The following DEGS1 variants were observed in gnomAD, a reference collection of about 807,000 sequenced individuals.
The protein encoded by DEGS1 is sphingolipid delta(4)-desaturase DES1.
In DEGS1, 17 loss-of-function variants were observed where a neutral mutation model predicts 24.1. The observed-to-expected ratio is 0.70, with a 90% CI of 0.48 to 1.06. The LOEUF is 1.06. DEGS1 is among the 50% of genes least tolerant of loss of function. The pLI, the probability that DEGS1 is intolerant of heterozygous loss-of-function variation, is 0.00. For synonymous variants in DEGS1, 134 were observed against 140.0 expected, an observed-to-expected ratio of 0.96 and a Z score of 0.30; for missense variants, 366 against 408.9, an observed-to-expected ratio of 0.90 and a Z score of 0.91.
intron 2 of DEGS1, 75 bp downstream of exon 2, chr1:224,190,394 G>A (rs1451786786): frequency 7.4e-6 from 10 of 1,343,058 alleles, no homozygotes; most frequent in South Asian, 1.9e-5. Context: ...GTCTCACTCA[G>A]TCGCCCAGGC....
Position 224,189,714 on chromosome 1 carries a change from T to A in DEGS1, c.220T>A (p.Tyr74Asn). Residue 74 changes from tyrosine to asparagine, a missense_variant, in exon 2 of 3, where the codon TAT becomes AAT. Physicochemically the swap from Tyr to Asn is moderately radical, Grantham distance 143 (BLOSUM62 -2). Transcript: ENST00000323699. ...CTGGAAATGGGTCATATTTGGGGCC[T>A]ATGCGTTTGGCAGTTGCATTAACCA... Reference protein sequence around the residue: ...LDWKWVIFGAYAFGSCINHSM... With the variant: ...LDWKWVIFGANAFGSCINHSM... 1.2e-6 allele frequency: 2 copies of A among 1,614,222 alleles called. No homozygotes were observed. The highest frequency in any genetic ancestry group is 1.7e-6 in the Non-Finnish European group (2 of 1,180,036).
At chr1:224,192,192 T>TGC (rs1658554914) in intron 2 of DEGS1, 140 bp from the exon 3 acceptor site, 7 of 155,132 alleles carry the variant, frequency 4.5e-5, no homozygotes, top group South Asian at 3.9e-4. Flanking sequence ...CTGCTGCTGC[T>TGC]TTTTTTTTTT....
chr1:224,186,447 C>T (rs1030761089), intron 1 of DEGS1, among the ~76,000 whole-genome samples: 2 of 152,188 alleles, frequency 1.3e-5, no homozygotes, highest in African/African-American at 4.8e-5. Context: ...GGCATGGTGG[C>T]TCACGCCTGT....
chr1:224,188,006 G>A (rs1658439193), intron 1 of DEGS1, among the ~76,000 whole-genome samples: 1 of 151,284 alleles, frequency 6.6e-6, no homozygotes, highest in Non-Finnish European at 1.5e-5. Context: ...TGTTGCCCAG[G>A]CTGATCTTGA....
rs1410830940 is a variant in DEGS1, at chr1:224,183,309, A to G, written c.-28A>G. The stretch of plus-strand genomic sequence containing the variant: ...CAGCCGGCTGGGAGCGAGAGCCGAC[A>G]GCTAGTCTGCAAGCCACCGCTGTCG... On this transcript the variant is annotated 5_prime_UTR_variant, in exon 1 of 3. Coordinates refer to ENST00000323699, the MANE Select transcript of DEGS1 (RefSeq NM_003676.4). 1.4e-6 allele frequency: 2 copies of G among 1,476,668 alleles called. No homozygotes were observed. Among genetic ancestry groups the G allele is most frequent in the Non-Finnish European group, 1.8e-6 (2 of 1,111,524 alleles). The allele number at this position is 1,476,668 out of a possible 1,614,324, so 91.5% of individuals were successfully genotyped here. A position where few individuals can be genotyped will look rare whatever the true frequency, so the allele number is the denominator to read the frequency against.
At chr1:224,191,401 AAG>A (rs1286605510) in intron 2 of DEGS1, among the ~76,000 whole-genome samples, 1 of 149,068 alleles carries the variant, frequency 6.7e-6, no homozygotes, top group South Asian at 2.1e-4. Flanking sequence ...AAAAAAAAAA[AAG>A]AGAGAGATGG....
rs1658486719 is a variant in DEGS1 at position 224,189,792 on chromosome 1, T to C, written c.298T>C (p.Cys100Arg). The C allele has an allele frequency of 6.2e-7, 1 of 1,614,122 alleles. No individual in the cohort carries two copies. Among genetic ancestry groups the C allele is most frequent in the African/African-American group, 1.3e-5 (1 of 74,948 alleles). ...EIAHNAAFGN[C>R]KAMWNRWFGM... ...TGCCCACAATGCTGCCTTTGGCAAC[T>C]GCAAAGCAATGTGGAATCGCTGGTT... Residue 100 changes from cysteine (C) to arginine (R), a missense_variant, in exon 2 of 3, where the codon TGC becomes CGC. Cys to Arg is a radical substitution (Grantham distance 180). Transcript: ENST00000323699.
At chr1:224,184,970 TACACACACACACACACAC>T (rs58790626) in intron 1 of DEGS1, among the ~76,000 whole-genome samples, 28 of 148,692 alleles carry the variant, frequency 1.9e-4, no homozygotes, top group African/African-American at 6.4e-4. Flanking sequence ...GCCCCCCGTT[TACACACACACACACACAC>T]ACACACACAC....
chr1:224,190,461 G>A lies in DEGS1; in HGVS notation c.825+142G>A, dbSNP rs537294479. On this transcript the variant is annotated intron_variant, in intron 2 of 2. Transcript: ENST00000323699. The stretch of plus-strand genomic sequence containing the variant: ...TAACCTCCACCTCCCGGGTTCAAAC[G>A]ATTCTCATGCCTCAGTCTCCCAAGT... 2.1e-4 allele frequency: 133 copies of A among 637,648 alleles called. No homozygotes were observed. In the African/African-American group the frequency reaches 2.3e-3, roughly 11 times the overall value. 39.5% of individuals were successfully genotyped at this position (637,648 alleles called of 1,614,324 possible).
intron 1 of DEGS1, among the ~76,000 whole-genome samples, chr1:224,186,687 T>C (rs1572041142): frequency 7.9e-6 from 1 of 126,684 alleles, no homozygotes; most frequent in South Asian, 2.4e-4. Context: ...CACTCCAGCC[T>C]GGGCGACAGA....
Position 224,183,241 on chromosome 1 carries a change from C to A in DEGS1, c.-96C>A. On this transcript the variant is annotated 5_prime_UTR_variant, in exon 1 of 3. Transcript: ENST00000323699. ...CGCGCTCCGCCACAGCCGGCCGACA[C>A]CACACCAGCCGGGGAGCCGCCGCCG... The A allele has an allele frequency of 8.6e-7, 1 of 1,168,822 alleles. No homozygotes were observed. The highest frequency in any genetic ancestry group is 1.6e-5 in the African/African-American group (1 of 62,072). The allele number at this position is 1,168,822 out of a possible 1,614,324, so 72.4% of individuals were successfully genotyped here.
chr1:224,187,492 G>A lies in DEGS1; in HGVS notation c.83-2085G>A, dbSNP rs527917921. The stretch of plus-strand genomic sequence containing the variant: ...TCCCGCTTCAGCATCCTAAGTAGCT[G>A]GGACTACAGGCTTGTGCCACCTCAC... On this transcript the variant is annotated intron_variant, in intron 1 of 2. Transcript: ENST00000323699. 2.6e-5 allele frequency among the ~76,000 whole-genome samples: 4 copies of A among 152,150 alleles called. No homozygotes were observed. In the South Asian group the frequency reaches 6.2e-4, roughly 24 times the overall value.
chr1:224,192,024 T>C lies in DEGS1; in HGVS notation c.826-308T>C, dbSNP rs139568764. ...CCATGCAGTACATTCTTTAATAATA[T>C]CAAGTTAATCTAATTGTATGTATTT... is the stretch of plus-strand genomic sequence containing the variant. On this transcript the variant is annotated intron_variant, in intron 2 of 2. Transcript: ENST00000323699. Among the ~76,000 whole-genome samples the C allele has an allele frequency of 4.7e-3, 718 of 152,284 alleles. 8 individuals are homozygous for C. The highest frequency in any genetic ancestry group is 0.014 in the African/African-American group (596 of 41,554).
intron 1 of DEGS1, among the ~76,000 whole-genome samples, chr1:224,184,830 T>C (rs1176449542): frequency 6.6e-6 from 1 of 152,030 alleles, no homozygotes; most frequent in Non-Finnish European, 1.5e-5. Context: ...CACGAGCTTT[T>C]TAACCTCTGT....
At chr1:224,183,515 A>G in intron 1 of DEGS1, 97 bp downstream of exon 1, 1 of 972,886 alleles carries the variant, frequency 1.0e-6, no homozygotes, top group Non-Finnish European at 1.3e-6. Context: ...TGGGCGCCGG[A>G]GGCCCGTTAG....
intron 1 of DEGS1, among the ~76,000 whole-genome samples, chr1:224,187,369 C>T (rs917704527): frequency 2.0e-5 from 3 of 151,676 alleles, no homozygotes; most frequent in African/African-American, 4.8e-5. Context: ...TAACATGATA[C>T]AGCTTTTTAA....
chr1:224,190,790 C>T (rs561209825), intron 2 of DEGS1, among the ~76,000 whole-genome samples: 5 of 152,044 alleles, frequency 3.3e-5, no homozygotes, highest in South Asian at 2.1e-4. Context: ...TGCAGTGGTA[C>T]GATAGCTCAC....
Position 224,187,174 on chromosome 1 carries a change from G to C in DEGS1, c.83-2403G>C, listed in dbSNP as rs148669168. 4.7e-3 allele frequency among the ~76,000 whole-genome samples: 718 copies of C among 152,142 alleles called. 8 individuals are homozygous for C. Among genetic ancestry groups the C allele is most frequent in the African/African-American group, 0.014 (595 of 41,518 alleles). ...AATACAAAAATTAGCTGGGTGTGGTGGTGGGCGCCTGTAATCCCAGCTACT... is the reference window on the plus strand; with the variant it reads ...AATACAAAAATTAGCTGGGTGTGGTCGTGGGCGCCTGTAATCCCAGCTACT... On this transcript the variant is annotated intron_variant, in intron 1 of 2. Transcript: ENST00000323699.
Position 224,183,316 on chromosome 1 carries a change from C to A in DEGS1, c.-21C>A, listed in dbSNP as rs371607507. The A allele has an allele frequency of 1.4e-6, 2 of 1,479,502 alleles. No individual in the cohort carries two copies. Among genetic ancestry groups the A allele is most frequent in the Non-Finnish European group, 1.8e-6 (2 of 1,113,318 alleles). 91.6% of individuals were successfully genotyped at this position (1,479,502 alleles called of 1,614,324 possible). A position where few individuals can be genotyped will look rare whatever the true frequency, so the allele number is the denominator to read the frequency against. Reference sequence around the variant, plus strand: ...CTGGGAGCGAGAGCCGACAGCTAGTCTGCAAGCCACCGCTGTCGCCATGGG... The same window carrying A: ...CTGGGAGCGAGAGCCGACAGCTAGTATGCAAGCCACCGCTGTCGCCATGGG... On this transcript the variant is annotated 5_prime_UTR_variant, in exon 1 of 3. The change creates a new upstream start codon in the 5' untranslated region. Transcript: ENST00000323699.
Sources: allele counts gnomAD v4.1 joint callset (sites outside exome capture counted in the v4.1 genomes callset), GRCh38; gene constraint gnomAD v4.1.1; transcripts MANE v1.5; gene names NCBI Gene and HGNC (gene_info 2026-07-23, HGNC 2026-07-21).